RASEF: variants seen among roughly 807,000 people sequenced by gnomAD.
The protein encoded by RASEF is ras and EF-hand domain-containing protein.
RASEF carries 68 observed loss-of-function variants against 90.1 expected under a neutral mutation model. The observed-to-expected ratio is 0.75, with a 90% CI of 0.62 to 0.92. The LOEUF (loss-of-function observed/expected upper bound fraction) is 0.92. RASEF is among the 40% of genes least tolerant of loss of function. The probability of loss-of-function intolerance (pLI) is 0.00; values close to 1 mark genes in which losing one functional copy is unlikely to be tolerated. For synonymous variants in RASEF, 331 were observed against 345.2 expected, an observed-to-expected ratio of 0.96 and a Z score of 0.46; for missense variants, 949 against 937.2, an observed-to-expected ratio of 1.01 and a Z score of -0.16.
chr9:83,178,668 G>A, the RASEF span, among the ~76,000 whole-genome samples: 1 of 152,148 alleles, frequency 6.6e-6, no homozygotes, highest in East Asian at 1.9e-4. Context: ...ATACATCTAA[G>A]ATTGAATTCC....
At chr9:83,005,658 T>C (rs1041111625) in intron 7 of RASEF, among the ~76,000 whole-genome samples, 158 bp from the exon 8 acceptor site, 5 of 152,244 alleles carry the variant, frequency 3.3e-5, no homozygotes, top group African/African-American at 1.2e-4. Flanking sequence ...AAAACTGAGA[T>C]AATTCATTAC....
chr9:83,128,500 G>A, the RASEF span, among the ~76,000 whole-genome samples: 1 of 148,618 alleles, frequency 6.7e-6, no homozygotes, highest in Admixed American at 6.7e-5. Flanking sequence ...AAACCAATCG[G>A]CATGCAGTCC....
chr9:83,086,903 G>A, the RASEF span, among the ~76,000 whole-genome samples: 6 of 152,124 alleles, frequency 3.9e-5, no homozygotes, highest in Non-Finnish European at 5.9e-5. Flanking sequence ...CACTTCTGCT[G>A]TATTCTTTGG....
the RASEF span, among the ~76,000 whole-genome samples, chr9:83,159,469 G>C: frequency 3.9e-5 from 6 of 152,036 alleles, no homozygotes; most frequent in Non-Finnish European, 5.9e-5. Flanking sequence ...TAAAAACAAG[G>C]CTTATGAATT....
intron 1 of RASEF, among the ~76,000 whole-genome samples, chr9:83,036,417 A>T (rs1002407043): frequency 2.6e-5 from 4 of 152,230 alleles, no homozygotes; most frequent in Non-Finnish European, 2.9e-5. Flanking sequence ...GTGCACATGA[A>T]ATATGTACAG....
rs1828577162 is a variant in RASEF, at chr9:82,980,410, A to G, written c.*2267T>C. 1 of 152,222 alleles carries G rather than the reference A, an allele frequency of 6.6e-6. No individual in the cohort carries two copies. The highest frequency in any genetic ancestry group is 1.5e-5 in the Non-Finnish European group (1 of 68,042). The allele number at this position is 152,222 out of a possible 1,614,324, so 9.4% of individuals were successfully genotyped here. On this transcript the variant is annotated 3_prime_UTR_variant, in exon 17 of 17. Transcript: ENST00000376447. Reference sequence around the variant, plus strand: ...AGTCTCTAATTTGGATTATGTTACCAAAATATTTATCAGGGCTCAAATACT... The same window carrying G: ...AGTCTCTAATTTGGATTATGTTACCGAAATATTTATCAGGGCTCAAATACT...
chr9:83,173,827 G>T, the RASEF span, among the ~76,000 whole-genome samples: 1 of 151,808 alleles, frequency 6.6e-6, no homozygotes, highest in Non-Finnish European at 1.5e-5. Context: ...GCATAGAAAA[G>T]TTAGGTATTT....
At chr9:83,025,261 C>A (rs1829523223) in intron 2 of RASEF, among the ~76,000 whole-genome samples, 1 of 152,120 alleles carries the variant, frequency 6.6e-6, no homozygotes, top group Non-Finnish European at 1.5e-5. Context: ...AGAGTCAAAG[C>A]AGCACTGCTG....
chr9:83,216,213 G>T, the RASEF span, among the ~76,000 whole-genome samples: 1 of 152,200 alleles, frequency 6.6e-6, no homozygotes, highest in Non-Finnish European at 1.5e-5. Context: ...AATTTGCATA[G>T]TAACGAGGAG....
At chr9:83,082,542 A>G in the RASEF span, among the ~76,000 whole-genome samples, 1 of 152,132 alleles carries the variant, frequency 6.6e-6, no homozygotes, top group East Asian at 1.9e-4. Context: ...TTTGTAGGAG[A>G]CTGATCAAAG....
intron 16 of RASEF, among the ~76,000 whole-genome samples, chr9:82,983,107 C>CCA (rs10539196): frequency 0.11 from 13,938 of 128,414 alleles, 782 homozygotes; most frequent in Admixed American, 0.14. Flanking sequence ...GAGTACCAGG[C>CCA]CACACACACA....
At chr9:82,999,926 T>C (rs1037177521) in intron 12 of RASEF, among the ~76,000 whole-genome samples, 9 of 151,634 alleles carry the variant, frequency 5.9e-5, no homozygotes, top group African/African-American at 9.7e-5. Flanking sequence ...CATTTTAATC[T>C]TCCTTTCCTA....
Position 82,989,619 on chromosome 9 carries a change from TCTTATAAAAC to T in RASEF, c.2117+762_2117+771del, listed in dbSNP as rs1187996922. Among the ~76,000 whole-genome samples the T allele has an allele frequency of 5.9e-5, 9 of 152,330 alleles. No homozygotes were observed. In the East Asian group the frequency reaches 1.7e-3, roughly 29 times the overall value. On this transcript the variant is annotated intron_variant, in intron 16 of 16. Transcript: ENST00000376447. The stretch of plus-strand genomic sequence containing the variant: ...CCAATTATCATACTAAAATTAAGAT[TCTTATAAAAC>T]CTTACAAATAATCAGAAAAAGAATG...
the RASEF span, among the ~76,000 whole-genome samples, chr9:83,111,561 A>T: frequency 6.6e-6 from 1 of 152,316 alleles, no homozygotes; most frequent in African/African-American, 2.4e-5. Flanking sequence ...TGATTGTGGT[A>T]ATTATTTCAT....
At chr9:83,069,132 C>T in the RASEF span, among the ~76,000 whole-genome samples, 97 of 152,232 alleles carry the variant, frequency 6.4e-4, no homozygotes, top group South Asian at 1.9e-3. Flanking sequence ...TTGAGCGTTT[C>T]GACCACTGTT....
intron 1 of RASEF, among the ~76,000 whole-genome samples, chr9:83,060,638 G>C (rs545011531): frequency 6.6e-6 from 1 of 152,324 alleles, no homozygotes; most frequent in South Asian, 2.1e-4. Flanking sequence ...ATGGAAGGAA[G>C]AAAAGGTCAA....
intron 14 of RASEF, among the ~76,000 whole-genome samples, chr9:82,995,977 T>C (rs1828911023): frequency 6.6e-6 from 1 of 152,178 alleles, no homozygotes; most frequent in South Asian, 2.1e-4. Flanking sequence ...ACATGGGAAA[T>C]TTTGTGAAGT....
chr9:83,071,777 G>T, the RASEF span, among the ~76,000 whole-genome samples: 3 of 152,116 alleles, frequency 2.0e-5, no homozygotes, highest in Non-Finnish European at 4.4e-5. Flanking sequence ...CTTTCCATGT[G>T]GCCTCAGGGC....
chr9:83,123,725 T>C, the RASEF span, among the ~76,000 whole-genome samples: 13 of 152,356 alleles, frequency 8.5e-5, no homozygotes, highest in East Asian at 2.3e-3. Flanking sequence ...GGCTGGATCC[T>C]GGTCCTCTTT....
Sources: allele counts gnomAD v4.1 joint callset (sites outside exome capture counted in the v4.1 genomes callset), GRCh38; gene constraint gnomAD v4.1.1; transcripts MANE v1.5; gene names NCBI Gene and HGNC (gene_info 2026-07-23, HGNC 2026-07-21).